Variants in TCF7L2 observed in about 807,000 individuals in gnomAD.
TCF7L2 encodes the protein transcription factor 7-like 2.
TCF7L2 carries 23 observed loss-of-function variants against 77.9 expected under a neutral mutation model. The observed-to-expected ratio is 0.30, with a 90% CI of 0.21 to 0.42. The LOEUF is 0.42. Ranked by LOEUF, TCF7L2 falls within the 10% of genes least tolerant of loss-of-function variation. The pLI is 1.00. For missense variants in TCF7L2, 654 were observed against 793.1 expected (o/e 0.82, Z 2.11); for synonymous variants, 413 against 340.2 (o/e 1.21, Z -2.36).
chr10:113,014,369 T>C (rs530339374), intron 4 of TCF7L2, among the ~76,000 whole-genome samples: 3 of 152,266 alleles, frequency 2.0e-5, no homozygotes, highest in African/African-American at 7.2e-5. Flanking sequence ...TTGGTGGTAG[T>C]TTTGCGAGGG....
At chr10:113,066,897 C>T (rs571553774) in intron 5 of TCF7L2, among the ~76,000 whole-genome samples, 1 of 152,234 alleles carries the variant, frequency 6.6e-6, no homozygotes, top group South Asian at 2.1e-4. Flanking sequence ...ACATTCCAGT[C>T]TCACCTTAGC....
chr10:113,129,773 A>G, intron 5 of TCF7L2: 2 of 1,269,150 alleles, frequency 1.6e-6, no homozygotes, highest in Non-Finnish European at 2.0e-6. Flanking sequence ...AGAAAAGCAG[A>G]AAGGGAGGAG....
chr10:112,968,402 T>C (rs1033876054), intron 4 of TCF7L2, among the ~76,000 whole-genome samples: 1 of 152,212 alleles, frequency 6.6e-6, no homozygotes, highest in Non-Finnish European at 1.5e-5. Flanking sequence ...ATAGTAAATA[T>C]GTTTTCTTTA....
chr10:113,077,343 T>G (rs1564861776), intron 5 of TCF7L2, among the ~76,000 whole-genome samples: 1 of 152,220 alleles, frequency 6.6e-6, no homozygotes, highest in Admixed American at 6.5e-5. Context: ...AAAATAAGTT[T>G]AGTCACATAC....
chr10:113,159,393 A>G (rs1001254959), intron 12 of TCF7L2, among the ~76,000 whole-genome samples: 3 of 151,716 alleles, frequency 2.0e-5, no homozygotes, highest in Non-Finnish European at 4.4e-5. Flanking sequence ...TTCTTTCTTT[A>G]TTTCTTTCTA....
intron 13 of TCF7L2, 36 bp from the exon 15 acceptor site, chr10:113,165,519 C>A (rs1444858019): frequency 6.2e-7 from 1 of 1,602,644 alleles, no homozygotes. Flanking sequence ...GCATCTGTGC[C>A]CTCTATTCAC....
chr10:113,119,782 G>A (rs572289879), intron 5 of TCF7L2, among the ~76,000 whole-genome samples: 2 of 152,190 alleles, frequency 1.3e-5, no homozygotes, highest in African/African-American at 4.8e-5. Flanking sequence ...GATTAGTTGA[G>A]TTTGGTTCAG....
At chr10:113,158,608 T>C (rs1300503982) in intron 12 of TCF7L2, 59 bp from the exon 13 acceptor site, 1 of 1,585,594 alleles carries the variant, frequency 6.3e-7, no homozygotes, top group Non-Finnish European at 8.6e-7. Flanking sequence ...GGCCAGGCTT[T>C]TACAAACAAA....
chr10:113,004,746 C>T (rs944864963), intron 4 of TCF7L2, among the ~76,000 whole-genome samples: 2 of 151,814 alleles, frequency 1.3e-5, no homozygotes, highest in Non-Finnish European at 2.9e-5. Flanking sequence ...CATCTTGGCT[C>T]GCTGCAACCT....
At chr10:113,115,187 T>G (rs2063568913) in intron 5 of TCF7L2, among the ~76,000 whole-genome samples, 1 of 152,216 alleles carries the variant, frequency 6.6e-6, no homozygotes, top group African/African-American at 2.4e-5. Flanking sequence ...ATGTCAGAAA[T>G]GATCACAGGA....
At chr10:113,014,331 A>G (rs771709502) in intron 4 of TCF7L2, among the ~76,000 whole-genome samples, 2 of 152,036 alleles carry the variant, frequency 1.3e-5, no homozygotes, top group African/African-American at 4.8e-5. Context: ...TGCTAGTTAC[A>G]CTCCTTCTGG....
At chr10:112,962,129 T>C (rs936697436) in intron 3 of TCF7L2, among the ~76,000 whole-genome samples, 1 of 152,150 alleles carries the variant, frequency 6.6e-6, no homozygotes, top group African/African-American at 2.4e-5. Flanking sequence ...AATTTATTCA[T>C]AAGATTGTGA....
intron 5 of TCF7L2, among the ~76,000 whole-genome samples, chr10:113,069,611 G>A (rs531416935): frequency 3.8e-4 from 58 of 152,242 alleles, no homozygotes; most frequent in Admixed American, 1.7e-3. Flanking sequence ...AACAACCATT[G>A]ACATTCAGAC....
chr10:113,060,450 T>C (rs1264991502), intron 5 of TCF7L2, among the ~76,000 whole-genome samples: 3 of 152,180 alleles, frequency 2.0e-5, no homozygotes, highest in African/African-American at 7.2e-5. Context: ...AGTTGTTTGT[T>C]AGATAAACTT....
intron 5 of TCF7L2, among the ~76,000 whole-genome samples, chr10:113,049,148 T>TA (rs987357347): frequency 7.9e-5 from 12 of 152,158 alleles, no homozygotes; most frequent in African/African-American, 2.7e-4. Context: ...AGAATGACCA[T>TA]ATTCTGATAA....
chr10:113,131,422 G>A (rs2136534197), intron 5 of TCF7L2, among the ~76,000 whole-genome samples: 1 of 152,340 alleles, frequency 6.6e-6, no homozygotes, highest in African/African-American at 2.4e-5. Flanking sequence ...GAATGGTGGT[G>A]AAGAGAGTGG....
chr10:113,015,138 A>G (rs2047123557), intron 4 of TCF7L2, among the ~76,000 whole-genome samples: 1 of 152,176 alleles, frequency 6.6e-6, no homozygotes, highest in Non-Finnish European at 1.5e-5. Flanking sequence ...GTGAGCTGAG[A>G]TCACACCATT....
intron 5 of TCF7L2, among the ~76,000 whole-genome samples, chr10:113,123,213 C>T (rs535994084): frequency 2.0e-5 from 3 of 152,300 alleles, no homozygotes; most frequent in African/African-American, 4.8e-5. Context: ...CTGATGCGGT[C>T]GTGCTGGGGA....
Position 113,135,064 on chromosome 10 carries a change from A to G in TCF7L2, c.553-6120A>G, listed in dbSNP as rs555918905. Among the ~76,000 whole-genome samples the G allele has an allele frequency of 1.2e-4, 19 of 152,326 alleles. No individual in the cohort carries two copies. The South Asian group carries it at 3.7e-3, about 30-fold the overall frequency. On this transcript the variant is annotated intron_variant, in intron 5 of 13. Coordinates refer to ENST00000627217, the MANE Select transcript of TCF7L2 (RefSeq NM_001146274.2). ...TGAATGGCAAGCTTTCATTCCCTCT[A>G]GGTTGCCCACAGTTATAGAGCCTTG...
Sources: allele counts gnomAD v4.1 joint callset (sites outside exome capture counted in the v4.1 genomes callset), GRCh38; gene constraint gnomAD v4.1.1; transcripts MANE v1.5; gene names NCBI Gene and HGNC (gene_info 2026-07-23, HGNC 2026-07-21).